The following ATP11A variants were observed in gnomAD, a reference collection of about 807,000 sequenced individuals.
ATP11A encodes the protein phospholipid-transporting ATPase IH.
In ATP11A, 81 loss-of-function variants were observed where a neutral mutation model predicts 154.4. The ratio of observed to expected loss-of-function variants is 0.52; its 90% CI spans 0.44 to 0.63. The LOEUF (loss-of-function observed/expected upper bound fraction) is 0.63, where lower values mean the gene tolerates loss of function less well. Among genes scored for constraint, ATP11A ranks in the 30% least tolerant of loss-of-function variants. The pLI is 0.00. For missense variants in ATP11A, 1,316 were observed against 1,474.3 expected, an observed-to-expected ratio of 0.89 and a Z score of 1.76; for synonymous variants, 623 against 585.9, an observed-to-expected ratio of 1.06 and a Z score of -0.91.
Position 112,854,307 on chromosome 13 carries a change from G to A in ATP11A, c.2020G>A (p.Glu674Lys), listed in dbSNP as rs781025876. 8 of 1,614,088 alleles carry A rather than the reference G, an allele frequency of 5.0e-6. No homozygotes were observed. Among genetic ancestry groups the A allele is most frequent in the South Asian group, 1.1e-5 (1 of 91,074 alleles). The stretch of plus-strand genomic sequence containing the variant: ...GCAGGAGAAAGCTGCAGACACCATC[G>A]AGGCCCTGCAGAAGGCCGGGATCAA... ...RLQEKAADTI[E>K]ALQKAGIKVW... Residue 674 changes from glutamate to lysine, a missense_variant, in exon 19 of 30, where the codon GAG (glutamate) becomes AAG (lysine). Glu to Lys is a moderately conservative substitution (Grantham distance 56). This residue lies in a region of ATP11A where 876 missense variants were observed against 1,006.8 expected (regional missense o/e 0.87). Coordinates refer to ENST00000375645, the MANE Select transcript of ATP11A (RefSeq NM_015205.3).
chr13:112,867,114 C>T (rs139808561), intron 25 of ATP11A, among the ~76,000 whole-genome samples: 99 of 152,296 alleles, frequency 6.5e-4, no homozygotes, highest in African/African-American at 2.1e-3. Flanking sequence ...AGGCTCCTGG[C>T]GGCTGCCAAT....
chr13:112,878,191 G>A (rs1381022619), intron 28 of ATP11A, 26 bp from the exon 29 acceptor site: 5 of 1,607,964 alleles, frequency 3.1e-6, no homozygotes, highest in Non-Finnish European at 4.3e-6. Flanking sequence ...ACCCCTGTGT[G>A]CGTGGCCGCT....
chr13:112,869,707 G>A (rs1294394830), intron 25 of ATP11A, among the ~76,000 whole-genome samples: 2 of 152,252 alleles, frequency 1.3e-5, no homozygotes, highest in African/African-American at 4.8e-5. Context: ...CTGCTGTGGA[G>A]GCACCACTTG....
chr13:112,756,281 C>G (rs944592743), intron 1 of ATP11A, among the ~76,000 whole-genome samples: 10 of 152,202 alleles, frequency 6.6e-5, no homozygotes, highest in African/African-American at 1.9e-4. Flanking sequence ...ACCTCTGACC[C>G]CAAATAACTA....
chr13:112,809,739 T>C (rs1324244583), intron 4 of ATP11A, among the ~76,000 whole-genome samples: 1 of 152,184 alleles, frequency 6.6e-6, no homozygotes, highest in Admixed American at 6.5e-5. Context: ...GCATTCCCCA[T>C]CCTTATCTAA....
intron 8 of ATP11A, among the ~76,000 whole-genome samples, chr13:112,820,405 T>C (rs2078767690): frequency 6.6e-6 from 1 of 152,234 alleles, no homozygotes; most frequent in Non-Finnish European, 1.5e-5. Context: ...TCAAGGCCTA[T>C]CTGAGGCTCA....
At position 112,811,185 on chromosome 13, in the gene ATP11A, C is replaced by A. The variant is rs559227433; in HGVS notation, c.441+459C>A. Among the ~76,000 whole-genome samples the A allele has an allele frequency of 2.1e-4, 31 of 150,998 alleles. 1 individual carries two copies. In the South Asian group the frequency reaches 4.6e-3, roughly 23 times the overall value. On this transcript the variant is annotated intron_variant, in intron 5 of 29. Coordinates refer to ENST00000375645, the MANE Select transcript of ATP11A (RefSeq NM_015205.3). ...CAACACACACACACACACACACACACACACACACACACACACACACAGCCT... is the reference window on the plus strand; with the variant it reads ...CAACACACACACACACACACACACAAACACACACACACACACACACAGCCT...
chr13:112,813,039 C>T (rs2078546140), intron 5 of ATP11A, among the ~76,000 whole-genome samples: 1 of 152,192 alleles, frequency 6.6e-6, no homozygotes, highest in Admixed American at 6.5e-5. Flanking sequence ...GAAATGCCAG[C>T]TCTGTATCCT....
intron 1 of ATP11A, among the ~76,000 whole-genome samples, chr13:112,702,909 T>C (rs989061899): frequency 2.0e-5 from 3 of 152,218 alleles, no homozygotes; most frequent in African/African-American, 4.8e-5. Flanking sequence ...GGCTTGATGA[T>C]TGAGAAAGCA....
intron 1 of ATP11A, among the ~76,000 whole-genome samples, chr13:112,722,562 G>C (rs1022797921): frequency 6.6e-6 from 1 of 152,170 alleles, no homozygotes; most frequent in South Asian, 2.1e-4. Context: ...AAGGAAGGAG[G>C]GGGTGAGGAG....
intron 15 of ATP11A, among the ~76,000 whole-genome samples, chr13:112,835,323 A>G (rs774745492): frequency 3.3e-5 from 5 of 152,170 alleles, no homozygotes; most frequent in Non-Finnish European, 7.3e-5. Flanking sequence ...AAGACACAAG[A>G]TCTGGTGGTG....
At chr13:112,718,604 T>G (rs577082505) in intron 1 of ATP11A, among the ~76,000 whole-genome samples, 4 of 152,012 alleles carry the variant, frequency 2.6e-5, no homozygotes, top group African/African-American at 9.6e-5. Context: ...CCTCGAGAGA[T>G]TGTCACTGGG....
rs1443017095 is a variant in ATP11A at position 112,804,983 on chromosome 13, G to T, written c.189G>T (p.Lys63Asn). 1.2e-6 allele frequency: 2 copies of T among 1,610,470 alleles called. No homozygotes were observed. Among genetic ancestry groups the T allele is most frequent in the Non-Finnish European group, 8.5e-7 (1 of 1,178,508 alleles). Residue 63 changes from lysine (K) to asparagine (N), a missense_variant, in exon 3 of 30, where the codon AAG becomes AAT. Transcript: ENST00000375645. The stretch of plus-strand genomic sequence containing the variant: ...ACACATTTTGGAACTTTATACCCAA[G>T]AATTTATTTGAACAATTCAGAAGAG... ...SKYTFWNFIP[K>N]NLFEQFRRVA... is the part of the protein sequence containing the mutation.
At chr13:112,842,453 A>G (rs2140293421) in intron 17 of ATP11A, 74 bp downstream of exon 17, 1 of 1,130,640 alleles carries the variant, frequency 8.8e-7, no homozygotes. Context: ...ATGTTCCACA[A>G]GTTCCTGGCT....
chr13:112,788,738 C>T (rs2077737020), intron 2 of ATP11A, among the ~76,000 whole-genome samples: 1 of 151,718 alleles, frequency 6.6e-6, no homozygotes, highest in Non-Finnish European at 1.5e-5. Flanking sequence ...GACGTGTAGA[C>T]TCCTATGTAG....
chr13:112,757,842 C>T (rs1016523958), intron 1 of ATP11A, among the ~76,000 whole-genome samples: 1 of 152,210 alleles, frequency 6.6e-6, no homozygotes, highest in Admixed American at 6.5e-5. Flanking sequence ...CCAAGGATGG[C>T]GTCATGTGTG....
At chr13:112,761,038 A>C (rs956578739) in intron 1 of ATP11A, among the ~76,000 whole-genome samples, 1 of 152,198 alleles carries the variant, frequency 6.6e-6, no homozygotes, top group African/African-American at 2.4e-5. Context: ...GAGCGTGGTG[A>C]AACCTGGCTC....
At chr13:112,733,009 T>C (rs746970997) in intron 1 of ATP11A, among the ~76,000 whole-genome samples, 16 of 152,242 alleles carry the variant, frequency 1.1e-4, no homozygotes, top group Non-Finnish European at 2.1e-4. Flanking sequence ...GTTGGAGCAA[T>C]AGACACAGGT....
intron 2 of ATP11A, among the ~76,000 whole-genome samples, chr13:112,789,488 T>G (rs1297098966): frequency 6.8e-6 from 1 of 146,706 alleles, no homozygotes; most frequent in Non-Finnish European, 1.5e-5. Flanking sequence ...TTCACACCAG[T>G]GTCCTGATGT....
Sources: gnomAD v4.1 joint callset for allele counts (sites outside exome capture counted in the v4.1 genomes callset) on GRCh38, gnomAD v4.1.1 for gene constraint, gnomAD v4.1.1 regional missense constraint, MANE v1.5 for transcripts, NCBI Gene and HGNC (gene_info 2026-07-23, HGNC 2026-07-21) for gene names.